The following FER1L6 variants were observed in gnomAD, a reference collection of about 807,000 sequenced individuals.
The protein encoded by FER1L6 is fer-1 like family member 6, also known as fer-1-like protein 6.
Under a neutral mutation model 219.2 loss-of-function variants are expected in FER1L6, and 177 were observed. That is an observed-to-expected ratio of 0.81 (90% CI 0.71 to 0.91). The LOEUF (loss-of-function observed/expected upper bound fraction) is 0.91, where lower values mean the gene tolerates loss of function less well. Among genes scored for constraint, FER1L6 ranks in the 40% least tolerant of loss-of-function variants. The probability of loss-of-function intolerance (pLI) is 0.00; values close to 1 mark genes in which losing one functional copy is unlikely to be tolerated. For synonymous variants in FER1L6, 768 were observed against 824.3 expected, an observed-to-expected ratio of 0.93 and a Z score of 1.17; for missense variants, 2,153 against 2,259.9, an observed-to-expected ratio of 0.95 and a Z score of 0.96.
intron 1 of FER1L6, among the ~76,000 whole-genome samples, chr8:123,911,754 G>A (rs1461666853): frequency 6.6e-6 from 1 of 152,174 alleles, no homozygotes; most frequent in Non-Finnish European, 1.5e-5. Context: ...AGTTACTGGT[G>A]AGATCAAGTC....
chr8:123,865,544 G>A (rs1412763652), intron 1 of FER1L6, among the ~76,000 whole-genome samples: 1 of 151,492 alleles, frequency 6.6e-6, no homozygotes, highest in South Asian at 2.1e-4. Flanking sequence ...GTTTACCTAA[G>A]CAAGCCTGGG....
chr8:123,995,548 T>C (rs1054089857), intron 12 of FER1L6, among the ~76,000 whole-genome samples: 2 of 152,190 alleles, frequency 1.3e-5, no homozygotes, highest in Admixed American at 1.3e-4. Context: ...TTTTATTTAT[T>C]TGGGTCTTCT....
Position 124,023,540 on chromosome 8 carries a change from CCT to C in FER1L6, c.2231_2232del (p.Pro744ArgfsTer57), listed in dbSNP as rs1310682890. On this transcript the variant is annotated frameshift_variant, in exon 18 of 41. Coordinates refer to ENST00000522917, the MANE Select transcript of FER1L6 (RefSeq NM_001039112.2). LOFTEE classifies it high-confidence loss of function. ...CGCCTCCAAAGACCTCCTCTATTCC[CCT>C]GTCGCGGGGCAGATGGGCAAACACT... ...RIASKDLLYSPVAGQMGKHCG... is the reference protein window; with the variant it reads ...RIASKDLLYSXVAGQMGKHCG... The C allele has an allele frequency of 1.2e-5, 20 of 1,614,174 alleles. No homozygotes were observed. Among genetic ancestry groups the C allele is most frequent in the Admixed American group, 1.7e-5 (1 of 60,022 alleles).
Position 123,879,173 on chromosome 8 carries a change from G to A in FER1L6, c.-8+26988G>A, listed in dbSNP as rs374140416. On this transcript the variant is annotated intron_variant, in intron 1 of 40. Transcript: ENST00000522917. ...TAATAAATTAGCTGGGTGTGATGGC[G>A]TGCTCCCATAGTCCTAGCTCTCCAG... is the stretch of plus-strand genomic sequence containing the variant. Among the ~76,000 whole-genome samples, 37 of 152,220 alleles carry A rather than the reference G, an allele frequency of 2.4e-4. No homozygotes were observed. The East Asian group carries it at 3.1e-3, about 13-fold the overall frequency.
In FER1L6 at chr8:124,039,945, G is replaced by A. The variant is rs1819405174; in HGVS notation, c.2528G>A (p.Ser843Asn). 2 of 1,614,170 alleles carry A rather than the reference G, an allele frequency of 1.2e-6. No homozygotes were observed. Among genetic ancestry groups the A allele is most frequent in the Non-Finnish European group, 1.7e-6 (2 of 1,180,010 alleles). ...GCCCGGGGCCTCATCGCAGCTGACA[G>A]CAATGGACTTTCAGACCCTTTTGCC... ...YQARGLIAAD[S>N]NGLSDPFAKV... Residue 843 changes from serine (S) to asparagine (N), a missense_variant, in exon 20 of 41, where the codon AGC becomes AAC. By Grantham distance (46) the Ser-to-Asn change is conservative. Coordinates refer to ENST00000522917, the MANE Select transcript of FER1L6 (RefSeq NM_001039112.2).
Position 123,933,378 on chromosome 8 carries a change from C to CTG in FER1L6, c.-7-22592_-7-22591dup, listed in dbSNP as rs767541659. ...TCTTTCTATCATAGCATATGTGTGT[C>CTG]TGTGTGTGTGTGTGTGTGTGTGTCT... On this transcript the variant is annotated intron_variant, in intron 1 of 40. Transcript: ENST00000522917. 3.4e-3 allele frequency among the ~76,000 whole-genome samples: 439 copies of CTG among 130,228 alleles called. 1 individual carries two copies. Among genetic ancestry groups the CTG allele is most frequent in the African/African-American group, 9.0e-3 (299 of 33,130 alleles). The allele number at this position is 130,228 out of a possible 152,430, so 85.4% of individuals were successfully genotyped here.
chr8:123,879,468 A>G (rs1653981340), intron 1 of FER1L6, among the ~76,000 whole-genome samples: 1 of 151,944 alleles, frequency 6.6e-6, no homozygotes, highest in African/African-American at 2.4e-5. Flanking sequence ...CTGGGACTAC[A>G]GGCGCCCACC....
At position 123,948,596 on chromosome 8, in the gene FER1L6, AT is replaced by A. The variant is rs575489533; in HGVS notation, c.-7-7393del. Among the ~76,000 whole-genome samples the A allele has an allele frequency of 1.0e-3, 155 of 152,192 alleles. 2 individuals are homozygous for A. The highest frequency in any genetic ancestry group is 3.6e-3 in the African/African-American group (148 of 41,544). ...TTTTGATGCTATTATAAAATCTTTTATTTCTAATTTTAATTTATGATTCTTT... is the reference window on the plus strand; with the variant it reads ...TTTTGATGCTATTATAAAATCTTTTATTCTAATTTTAATTTATGATTCTTT... On this transcript the variant is annotated intron_variant, in intron 1 of 40. Transcript: ENST00000522917.
intron 1 of FER1L6, among the ~76,000 whole-genome samples, chr8:123,900,971 G>C (rs368100576): frequency 1.3e-5 from 2 of 152,172 alleles, no homozygotes; most frequent in South Asian, 2.1e-4. Context: ...TTCTCTTTTG[G>C]TTATGTCCTT....
Position 124,053,701 on chromosome 8 carries a change from AT to A in FER1L6, c.2874+3946del, listed in dbSNP as rs570084215. 1.4e-3 allele frequency among the ~76,000 whole-genome samples: 211 copies of A among 152,210 alleles called. 1 individual carries two copies. Among genetic ancestry groups the A allele is most frequent in the African/African-American group, 4.8e-3 (199 of 41,544 alleles). On this transcript the variant is annotated intron_variant, in intron 22 of 40. Coordinates refer to ENST00000522917, the MANE Select transcript of FER1L6 (RefSeq NM_001039112.2). ...AGTGGGATCCCCGTCTCTACAAAACATAAAAATTCAGCCGGGTGTGATGGCA... is the reference window on the plus strand; with the variant it reads ...AGTGGGATCCCCGTCTCTACAAAACAAAAAATTCAGCCGGGTGTGATGGCA...
intron 1 of FER1L6, among the ~76,000 whole-genome samples, chr8:123,930,801 A>T (rs780614394): frequency 6.6e-6 from 1 of 152,178 alleles, no homozygotes; most frequent in Non-Finnish European, 1.5e-5. Flanking sequence ...CTTAATAAGC[A>T]GATGTTGCTG....
Position 123,893,495 on chromosome 8 carries a change from T to C in FER1L6, c.-8+41310T>C, listed in dbSNP as rs541444186. Among the ~76,000 whole-genome samples the C allele has an allele frequency of 2.0e-5, 3 of 152,350 alleles. No individual in the cohort carries two copies. In the South Asian group the frequency reaches 6.2e-4, roughly 32 times the overall value. The stretch of plus-strand genomic sequence containing the variant: ...AGTTTTGAAATACGTTTTAAATATA[T>C]TGAGTAGACAGTATACATATGTAAA... On this transcript the variant is annotated intron_variant, in intron 1 of 40. Transcript: ENST00000522917.
chr8:124,067,232 A>T (rs960025309), intron 27 of FER1L6, among the ~76,000 whole-genome samples: 1 of 152,228 alleles, frequency 6.6e-6, no homozygotes, highest in Non-Finnish European at 1.5e-5. Context: ...CTATGGTTGC[A>T]TCTAGGACTA....
At chr8:123,860,739 G>A (rs1188307895) in intron 1 of FER1L6, among the ~76,000 whole-genome samples, 4 of 112,848 alleles carry the variant, frequency 3.5e-5, no homozygotes, top group African/African-American at 1.1e-4. Context: ...CAGTGATGAT[G>A]AGCATTTTTT....
At position 124,066,504 on chromosome 8, in the gene FER1L6, T is replaced by C. The variant is rs376492740; in HGVS notation, c.3632T>C (p.Ile1211Thr). ...TIADESAENV[I>T]DWWSKYYASL... Reference sequence around the variant, plus strand: ...GCAGATGAATCTGCTGAAAACGTGATTGACTGGTGGTCTAAGTATTATGCC... The same window carrying C: ...GCAGATGAATCTGCTGAAAACGTGACTGACTGGTGGTCTAAGTATTATGCC... Residue 1211 changes from isoleucine to threonine, a missense_variant, in exon 27 of 41, where the codon ATT (isoleucine) becomes ACT (threonine). Ile to Thr is a moderately conservative substitution (Grantham distance 89). Transcript: ENST00000522917. The C allele has an allele frequency of 3.1e-6, 5 of 1,614,012 alleles. No individual in the cohort carries two copies. Among genetic ancestry groups the C allele is most frequent in the African/African-American group, 2.7e-5 (2 of 74,936 alleles).
intron 9 of FER1L6, among the ~76,000 whole-genome samples, chr8:123,976,721 G>A (rs1441947653): frequency 6.6e-6 from 1 of 152,086 alleles, no homozygotes. Flanking sequence ...CTCCTGACCT[G>A]TTCCACAATC....
chr8:123,970,538 C>T (rs1404219697), intron 6 of FER1L6, among the ~76,000 whole-genome samples: 1 of 151,996 alleles, frequency 6.6e-6, no homozygotes, highest in Non-Finnish European at 1.5e-5. Flanking sequence ...GAAATAGGAA[C>T]AAGTACCAGG....
intron 1 of FER1L6, among the ~76,000 whole-genome samples, chr8:123,866,462 A>G (rs1301880424): frequency 1.3e-5 from 2 of 152,150 alleles, no homozygotes; most frequent in Admixed American, 6.5e-5. Context: ...GGGAGTGCAG[A>G]TATATCCTTG....
chr8:124,108,575 CT>C (rs1188016838), intron 39 of FER1L6, among the ~76,000 whole-genome samples: 1 of 152,084 alleles, frequency 6.6e-6, no homozygotes, highest in Non-Finnish European at 1.5e-5. Context: ...AGGGGTTACA[CT>C]TTTGGTAAAT....
Sources: gnomAD v4.1 joint callset for allele counts (sites outside exome capture counted in the v4.1 genomes callset) on GRCh38, gnomAD v4.1.1 for gene constraint, MANE v1.5 for transcripts, NCBI Gene and HGNC (gene_info 2026-07-23, HGNC 2026-07-21) for gene names.